SLC9B2: variants seen among roughly 807,000 people sequenced by gnomAD.
SLC9B2 encodes sodium/hydrogen exchanger 9B2.
A neutral mutation model predicts 52.2 loss-of-function variants in SLC9B2; 39 were observed. The ratio of observed to expected loss-of-function variants is 0.75; its 90% CI spans 0.58 to 0.98. SLC9B2 has a LOEUF of 0.98. SLC9B2 is among the 50% of genes least tolerant of loss of function. The pLI, the probability that SLC9B2 is intolerant of heterozygous loss-of-function variation, is 0.00. For missense variants in SLC9B2, 626 were observed against 637.5 expected (o/e 0.98, Z 0.19); for synonymous variants, 214 against 227.0 (o/e 0.94, Z 0.51).
rs755602296 is a variant in SLC9B2, at chr4:103,050,370, G to T, written c.455C>A (p.Ala152Glu). The change falls in exon 5 of 12, where the codon GCA becomes GAA. Residue 152 changes from alanine to glutamate, a missense_variant. Coordinates refer to ENST00000394785, the MANE Select transcript of SLC9B2 (RefSeq NM_178833.7). ...PLPSLLGMLL[A>E]GFLIRNIPVI... Reference sequence around the variant, plus strand: ...TGGGATATTTCTGATGAGAAACCCTGCAAGCAGCATGCCTTGAACGAAGAA... The same window carrying T: ...TGGGATATTTCTGATGAGAAACCCTTCAAGCAGCATGCCTTGAACGAAGAA... 1.0e-5 allele frequency: 16 copies of T among 1,594,272 alleles called. No homozygotes were observed. Among genetic ancestry groups the T allele is most frequent in the Admixed American group, 7.2e-5 (4 of 55,544 alleles).
At chr4:103,054,754 A>T (rs1189104192) in intron 4 of SLC9B2, among the ~76,000 whole-genome samples, 1 of 152,158 alleles carries the variant, frequency 6.6e-6, no homozygotes, top group East Asian at 1.9e-4. Flanking sequence ...GCTGGAGAGG[A>T]TGTGGAGAAA....
At chr4:103,018,051 A>G (rs1741484399), downstream of SLC9B2, among the ~76,000 whole-genome samples, 1 of 152,222 alleles carries the variant, frequency 6.6e-6, no homozygotes, top group Admixed American at 6.5e-5. Context: ...AAAAATATTT[A>G]TTGAACATAT....
intron 1 of SLC9B2, among the ~76,000 whole-genome samples, chr4:103,068,283 T>C (rs1296335795): frequency 6.6e-6 from 1 of 152,208 alleles, no homozygotes; most frequent in Non-Finnish European, 1.5e-5. Context: ...CTTCAACACA[T>C]TCTCCCTTGG....
At chr4:103,045,876 G>A (rs746119106) in intron 7 of SLC9B2, among the ~76,000 whole-genome samples, 4 of 152,146 alleles carry the variant, frequency 2.6e-5, no homozygotes, top group Non-Finnish European at 4.4e-5. Flanking sequence ...TAGTGTGATG[G>A]TAAGGCTGAG....
At chr4:103,035,864 G>C (rs1251623255) in intron 9 of SLC9B2, among the ~76,000 whole-genome samples, 1 of 152,200 alleles carries the variant, frequency 6.6e-6, no homozygotes, top group African/African-American at 2.4e-5. Flanking sequence ...CAAAGACACG[G>C]AATCAACCTA....
Position 103,048,995 on chromosome 4 carries a change from C to CA in SLC9B2, c.610dup (p.Cys204LeufsTer61), listed in dbSNP as rs745514201. The stretch of plus-strand genomic sequence containing the variant: ...ACAGGGACCCATGGACAGTCTTACA[C>CA]AAACGCCCTTTAACTTCTTCAGGGC... On this transcript the variant is annotated frameshift_variant, in exon 6 of 12. Transcript: ENST00000394785. The CA allele has an allele frequency of 5.0e-6, 8 of 1,613,732 alleles. No individual in the cohort carries two copies. The highest frequency in any genetic ancestry group is 5.9e-6 in the Non-Finnish European group (7 of 1,179,816).
At position 103,025,166 on chromosome 4, in the gene SLC9B2, C is replaced by T. The variant is rs536857650; in HGVS notation, c.*1204G>A. 1.3e-5 allele frequency among the ~76,000 whole-genome samples: 2 copies of T among 152,130 alleles called. No individual in the cohort carries two copies. Among genetic ancestry groups the T allele is most frequent in the Non-Finnish European group, 2.9e-5 (2 of 68,020 alleles). Reference sequence around the variant, plus strand: ...TAGGAAAAGAGATGTGTCCAACTTCCACATCACTTCCTCAAAAATAAATTG... The same window carrying T: ...TAGGAAAAGAGATGTGTCCAACTTCTACATCACTTCCTCAAAAATAAATTG... On this transcript the variant is annotated 3_prime_UTR_variant, in exon 12 of 12. Coordinates refer to ENST00000394785, the MANE Select transcript of SLC9B2 (RefSeq NM_178833.7).
In SLC9B2 at chr4:103,025,449, C is replaced by T. The variant is rs1356718065; in HGVS notation, c.*921G>A. 6.6e-6 allele frequency: 1 copy of T among 152,184 alleles called. No homozygotes were observed. The highest frequency in any genetic ancestry group is 1.5e-5 in the Non-Finnish European group (1 of 68,016). 9.4% of individuals were successfully genotyped at this position (152,184 alleles called of 1,614,324 possible). A position where few individuals can be genotyped will look rare whatever the true frequency, so the allele number is the denominator to read the frequency against. ...AAGACATGGGACTCTGAGCAGACCT[C>T]ATAAGCAGAGTAACCCTGTTGGTAT... On this transcript the variant is annotated 3_prime_UTR_variant, in exon 12 of 12. Transcript: ENST00000394785.
chr4:103,070,687 C>T (rs906281346), intron 1 of SLC9B2, among the ~76,000 whole-genome samples: 10 of 152,290 alleles, frequency 6.6e-5, no homozygotes, highest in Non-Finnish European at 1.3e-4. Context: ...GTGATCCACC[C>T]GCCTAGGCCT....
At chr4:103,033,668 G>T (rs1193738657) in intron 9 of SLC9B2, among the ~76,000 whole-genome samples, 3 of 152,046 alleles carry the variant, frequency 2.0e-5, no homozygotes, top group Non-Finnish European at 4.4e-5. Context: ...CACAAATAAC[G>T]TACAAGCTGA....
At position 103,026,573 on chromosome 4, in the gene SLC9B2, C is replaced by T; in HGVS notation, c.1411G>A (p.Ala471Thr). ...CCATGTGACCTTGCTGTGTCCAAAG[C>T]CACAGATCCTATTGCAGCCTATAAA... ...ATVQAAIGSV[A>T]LDTARSHGEK... is the part of the protein sequence containing the mutation. The change falls in exon 12 of 12, where the codon GCT becomes ACT. Residue 471 changes from alanine (A) to threonine (T), a missense_variant. Coordinates refer to ENST00000394785, the MANE Select transcript of SLC9B2 (RefSeq NM_178833.7). The T allele has an allele frequency of 1.9e-6, 3 of 1,613,174 alleles. No individual in the cohort carries two copies. The highest frequency in any genetic ancestry group is 2.5e-6 in the Non-Finnish European group (3 of 1,179,514).
chr4:103,062,394 G>A (rs1379869488), intron 3 of SLC9B2, among the ~76,000 whole-genome samples: 3 of 151,250 alleles, frequency 2.0e-5, no homozygotes, highest in South Asian at 2.1e-4. Context: ...ACTCCAGCCT[G>A]GGCAACAGAG....
At position 103,025,008 on chromosome 4, in the gene SLC9B2, G is replaced by C. The variant is rs1024977970; in HGVS notation, c.*1362C>G. On this transcript the variant is annotated 3_prime_UTR_variant, in exon 12 of 12. Transcript: ENST00000394785. Reference sequence around the variant, plus strand: ...TGCATGTAAGAATATGCTACTGAATGATGGTAACATCCAACACAGTGGAAG... The same window carrying C: ...TGCATGTAAGAATATGCTACTGAATCATGGTAACATCCAACACAGTGGAAG... Among the ~76,000 whole-genome samples, 15 of 152,214 alleles carry C rather than the reference G, an allele frequency of 9.9e-5. No homozygotes were observed. Among genetic ancestry groups the C allele is most frequent in the African/African-American group, 3.6e-4 (15 of 41,456 alleles).
At chr4:103,032,977 T>G (rs1034236643) in intron 9 of SLC9B2, among the ~76,000 whole-genome samples, 1 of 152,196 alleles carries the variant, frequency 6.6e-6, no homozygotes, top group Non-Finnish European at 1.5e-5. Flanking sequence ...TGTCTTCACA[T>G]CTTACTAGCC....
downstream of SLC9B2, among the ~76,000 whole-genome samples, chr4:103,019,200 C>T (rs1367910651): frequency 6.6e-6 from 1 of 152,118 alleles, no homozygotes; most frequent in East Asian, 1.9e-4. Context: ...GGCAACCAAT[C>T]CCAGAATCTC....
chr4:103,068,763 G>A (rs1267095479), intron 1 of SLC9B2, among the ~76,000 whole-genome samples: 1 of 152,128 alleles, frequency 6.6e-6, no homozygotes, highest in Non-Finnish European at 1.5e-5. Flanking sequence ...TAGAATCAAA[G>A]AGAAAATTAT....
intron 3 of SLC9B2, among the ~76,000 whole-genome samples, chr4:103,062,226 G>A (rs1308133783): frequency 3.3e-5 from 5 of 152,134 alleles, no homozygotes; most frequent in Non-Finnish European, 7.4e-5. Context: ...TTCGAGACCA[G>A]CCTGACCAAC....
intron 7 of SLC9B2, 105 bp downstream of exon 7, chr4:103,046,946 T>A: frequency 7.5e-7 from 1 of 1,338,150 alleles, no homozygotes; most frequent in South Asian, 1.4e-5. Flanking sequence ...TGCCTATTTT[T>A]AATTTGCCTT....
intron 1 of SLC9B2, among the ~76,000 whole-genome samples, chr4:103,070,741 C>T (rs1746545561): frequency 6.6e-6 from 1 of 152,094 alleles, no homozygotes; most frequent in African/African-American, 2.4e-5. Context: ...ATGCCCGGCC[C>T]TTATTTCGAA....
Sources: gnomAD v4.1 joint callset for allele counts (sites outside exome capture counted in the v4.1 genomes callset) on GRCh38, gnomAD v4.1.1 for gene constraint, MANE v1.5 for transcripts, NCBI Gene and HGNC (gene_info 2026-07-23, HGNC 2026-07-21) for gene names.